NALF1: variants seen among roughly 807,000 people sequenced by gnomAD.
NALF1 encodes NALCN channel auxiliary factor 1, also known as family with sequence similarity 155 member A.
Under a neutral mutation model 48.4 loss-of-function variants are expected in NALF1, and 3 were observed. The ratio of observed to expected loss-of-function variants is 0.06; its 90% CI spans 0.03 to 0.16. The LOEUF is 0.16. Ranked by LOEUF, NALF1 falls within the 10% of genes least tolerant of loss-of-function variation. The pLI, the probability that NALF1 is intolerant of heterozygous loss-of-function variation, is 1.00. For synonymous variants in NALF1, 262 were observed against 245.7 expected, an observed-to-expected ratio of 1.07 and a Z score of -0.62; for missense variants, 526 against 571.5, an observed-to-expected ratio of 0.92 and a Z score of 0.81.
chr13:107,654,097 C>G (rs1299747989), intron 1 of NALF1, among the ~76,000 whole-genome samples: 1 of 151,840 alleles, frequency 6.6e-6, no homozygotes, highest in African/African-American at 2.4e-5. Context: ...ACACAAAAAG[C>G]TGGTTCTTTA....
At chr13:107,807,963 T>C (rs974742422) in intron 1 of NALF1, among the ~76,000 whole-genome samples, 2 of 152,124 alleles carry the variant, frequency 1.3e-5, no homozygotes, top group African/African-American at 4.8e-5. Flanking sequence ...AAAATTATAT[T>C]TATTTGGAAA....
At chr13:107,646,634 T>C (rs1394672569) in intron 1 of NALF1, among the ~76,000 whole-genome samples, 1 of 152,168 alleles carries the variant, frequency 6.6e-6, no homozygotes, top group Admixed American at 6.6e-5. Flanking sequence ...TAATGTAATC[T>C]GTATAATAAT....
chr13:107,573,921 T>A (rs960854000), intron 1 of NALF1, among the ~76,000 whole-genome samples: 11 of 152,204 alleles, frequency 7.2e-5, no homozygotes, highest in Non-Finnish European at 1.3e-4. Context: ...CTTTCTTTTA[T>A]AAAGTACCCA....
At chr13:107,549,500 G>A (rs2139127584) in intron 1 of NALF1, among the ~76,000 whole-genome samples, 1 of 152,212 alleles carries the variant, frequency 6.6e-6, no homozygotes, top group East Asian at 1.9e-4. Flanking sequence ...TAATTTTGAA[G>A]ACATGTATCT....
intron 1 of NALF1, among the ~76,000 whole-genome samples, chr13:107,780,708 G>A (rs1877863811): frequency 6.6e-6 from 1 of 151,938 alleles, no homozygotes; most frequent in Non-Finnish European, 1.5e-5. Flanking sequence ...GAGGCAGGTG[G>A]ATCATCTGAG....
intron 1 of NALF1, among the ~76,000 whole-genome samples, chr13:107,854,593 T>C (rs1880396305): frequency 6.6e-6 from 1 of 152,030 alleles, no homozygotes; most frequent in Non-Finnish European, 1.5e-5. Flanking sequence ...CTATTTGGGG[T>C]CAGCGGCGGT....
intron 1 of NALF1, among the ~76,000 whole-genome samples, chr13:107,371,235 A>C (rs1883243219): frequency 6.6e-6 from 1 of 152,132 alleles, no homozygotes; most frequent in Admixed American, 6.5e-5. Flanking sequence ...TCGCTTGAGC[A>C]CAAGAGTTTG....
chr13:107,866,756 CTCTCTCT>C lies in NALF1; in HGVS notation c.-167_-161del. The C allele has an allele frequency of 2.3e-6, 1 of 436,580 alleles. No homozygotes were observed. The highest frequency in any genetic ancestry group is 3.2e-5 in the South Asian group (1 of 31,112). 27.0% of individuals were successfully genotyped at this position (436,580 alleles called of 1,614,324 possible). On this transcript the variant is annotated 5_prime_UTR_variant, in exon 1 of 3. Transcript: ENST00000375915. The surrounding 1 kb of genome is among the most constrained non-coding windows in gnomAD (Gnocchi z 4.4). ...CTCTCTCTTCCCCTCTCCCTCTCTC[CTCTCTCT>C]CTCTCTCCCTCTCCCTCTCTTTTAT...
At chr13:107,824,664 T>G (rs975088393) in intron 1 of NALF1, among the ~76,000 whole-genome samples, 4 of 152,320 alleles carry the variant, frequency 2.6e-5, no homozygotes, top group African/African-American at 9.6e-5. Context: ...CCATTATGCA[T>G]GTGTAGAAGA....
At chr13:107,663,728 C>T (rs1343050061) in intron 1 of NALF1, among the ~76,000 whole-genome samples, 2 of 152,126 alleles carry the variant, frequency 1.3e-5, no homozygotes, top group Non-Finnish European at 2.9e-5. Context: ...TACCAAGTTT[C>T]GTAGTGAATT....
At chr13:107,500,647 A>T (rs1254207406) in intron 1 of NALF1, among the ~76,000 whole-genome samples, 9 of 151,048 alleles carry the variant, frequency 6.0e-5, no homozygotes, top group Admixed American at 4.6e-4. Flanking sequence ...ATAAAGACAC[A>T]TGCACACGTA....
chr13:107,473,615 AC>A (rs957670044), intron 1 of NALF1, among the ~76,000 whole-genome samples: 1 of 152,170 alleles, frequency 6.6e-6, no homozygotes, highest in African/African-American at 2.4e-5. Context: ...CATTGAAACA[AC>A]AATTTGCTTA....
chr13:107,297,767 T>C (rs1881752518), intron 1 of NALF1, among the ~76,000 whole-genome samples: 1 of 152,178 alleles, frequency 6.6e-6, no homozygotes, highest in Admixed American at 6.5e-5. Flanking sequence ...ACTTCTTAAG[T>C]TATTTAACAG....
intron 1 of NALF1, among the ~76,000 whole-genome samples, chr13:107,447,818 G>A (rs1884675482): frequency 6.6e-6 from 1 of 152,102 alleles, no homozygotes; most frequent in African/African-American, 2.4e-5. Flanking sequence ...AGTAGCCACG[G>A]AACCTGCATC....
At chr13:107,441,183 A>C (rs991609513) in intron 1 of NALF1, among the ~76,000 whole-genome samples, 1 of 152,220 alleles carries the variant, frequency 6.6e-6, no homozygotes, top group African/African-American at 2.4e-5. Flanking sequence ...CAGAGACAGA[A>C]AACTGTGACA....
intron 1 of NALF1, among the ~76,000 whole-genome samples, chr13:107,441,274 A>C (rs1374250574): frequency 1.3e-5 from 2 of 152,188 alleles, no homozygotes; most frequent in African/African-American, 4.8e-5. Flanking sequence ...ACCAGACATG[A>C]CCACCTGAAG....
At chr13:107,534,610 C>A (rs1290495303) in intron 1 of NALF1, among the ~76,000 whole-genome samples, 8 of 152,080 alleles carry the variant, frequency 5.3e-5, no homozygotes, top group Non-Finnish European at 1.0e-4. Context: ...TTATAATATA[C>A]AAATAAGCCA....
chr13:107,696,779 C>T (rs1050278477), intron 1 of NALF1, among the ~76,000 whole-genome samples: 4 of 152,076 alleles, frequency 2.6e-5, no homozygotes, highest in African/African-American at 9.7e-5. Context: ...AATTTGGAAA[C>T]ATTTGCATAT....
rs757687353 is a variant in NALF1, at chr13:107,458,154, T to C, written c.916-247399A>G. Among the ~76,000 whole-genome samples the C allele has an allele frequency of 1.1e-4, 17 of 152,200 alleles. No homozygotes were observed. The East Asian group carries it at 2.9e-3, about 26-fold the overall frequency. On this transcript the variant is annotated intron_variant, in intron 1 of 2. Transcript: ENST00000375915. ...GCTAATTTCCTGCTGCATGCCATAT[T>C]AGAAAATAAAGAAACAGTATATTCT...
Sources: allele counts gnomAD v4.1 joint callset (sites outside exome capture counted in the v4.1 genomes callset), GRCh38; gene constraint gnomAD v4.1.1; non-coding constraint Gnocchi (gnomAD v3.1); transcripts MANE v1.5; gene names NCBI Gene and HGNC (gene_info 2026-07-23, HGNC 2026-07-21).